Variants in HERC1 observed in about 807,000 individuals in gnomAD.
HERC1 encodes HECT and RLD domain containing E3 ubiquitin protein ligase family member 1.
In HERC1, 160 loss-of-function variants were observed where a neutral mutation model predicts 554.3. The ratio of observed to expected loss-of-function variants is 0.29; its 90% CI spans 0.25 to 0.33. HERC1 has a LOEUF of 0.33. Ranked by LOEUF, HERC1 falls within the 10% of genes least tolerant of loss-of-function variation. HERC1 has a pLI of 1.00. For missense variants in HERC1, 4,919 were observed against 5,918.5 expected (o/e 0.83, Z 5.54); for synonymous variants, 2,175 against 2,131.7 (o/e 1.02, Z -0.56).
At chr15:63,699,416 A>C (rs908699611) in intron 25 of HERC1, among the ~76,000 whole-genome samples, 1 of 152,240 alleles carries the variant, frequency 6.6e-6, no homozygotes, top group Non-Finnish European at 1.5e-5. Flanking sequence ...CATCTAATTT[A>C]ACATTATCAT....
intron 2 of HERC1, among the ~76,000 whole-genome samples, chr15:63,774,204 T>C (rs2076043642): frequency 6.6e-6 from 1 of 152,186 alleles, no homozygotes; most frequent in African/African-American, 2.4e-5. Flanking sequence ...TTTCACTACC[T>C]GAAATTATAT....
At chr15:63,809,945 G>A (rs535343781) in intron 1 of HERC1, among the ~76,000 whole-genome samples, 47 of 152,224 alleles carry the variant, frequency 3.1e-4, no homozygotes, top group African/African-American at 1.1e-3. Context: ...CCAAAGTGCT[G>A]TGATTACAGG....
chr15:63,612,338 A>G lies in HERC1; in HGVS notation c.14313T>C (p.Leu4771=). 6.2e-7 allele frequency: 1 copy of G among 1,614,016 alleles called. No homozygotes were observed. The highest frequency in any genetic ancestry group is 2.2e-5 in the East Asian group (1 of 44,890). Residue 4771 remains leucine (L), a synonymous_variant, in exon 77 of 78, where the codon CTT becomes CTC. Coordinates refer to ENST00000443617, the MANE Select transcript of HERC1 (RefSeq NM_003922.4). The surrounding 1 kb of genome is among the most constrained non-coding windows in gnomAD (Gnocchi z 5.0). ...ATCTTCCTGACACAAACCTCATGAA[A>G]AGCACCCGCTCCTCATTGGAGAACT... The part of the protein sequence containing the change: ...LEEFSNEERV[L]FMRFVSGRSR...
chr15:63,813,193 T>G (rs933129633), intron 1 of HERC1, among the ~76,000 whole-genome samples: 1 of 152,150 alleles, frequency 6.6e-6, no homozygotes, highest in African/African-American at 2.4e-5. Flanking sequence ...TCAGGAAGAT[T>G]TGCTAAAGAA....
Position 63,656,376 on chromosome 15 carries a change from C to T in HERC1, c.9600-18G>A, listed in dbSNP as rs957225784. Reference sequence around the variant, plus strand: ...TGGAACCACTGCCAGTAAAGAAAAACATCTCAGATGGATAAAGAAAATGGA... The same window carrying T: ...TGGAACCACTGCCAGTAAAGAAAAATATCTCAGATGGATAAAGAAAATGGA... On this transcript the variant is annotated intron_variant, in intron 48 of 77. Coordinates refer to ENST00000443617, the MANE Select transcript of HERC1 (RefSeq NM_003922.4). The T allele has an allele frequency of 6.3e-7, 1 of 1,598,692 alleles. No individual in the cohort carries two copies. The highest frequency in any genetic ancestry group is 8.5e-7 in the Non-Finnish European group (1 of 1,171,034).
chr15:63,727,994 T>C lies in HERC1; in HGVS notation c.3155-156A>G, dbSNP rs139650646. Among the ~76,000 whole-genome samples the C allele has an allele frequency of 2.1e-3, 319 of 152,382 alleles. 2 individuals are homozygous for C. In the East Asian group the frequency reaches 0.038, roughly 18 times the overall value. On this transcript the variant is annotated intron_variant, in intron 16 of 77. Transcript: ENST00000443617. The surrounding 1 kb of genome is among the most constrained non-coding windows in gnomAD (Gnocchi z 4.3). ...TGGTAGCTGATGTAGTATCAGTGTT[T>C]ATTCACTTTCAGAAAGTACCACCAA... is the stretch of plus-strand genomic sequence containing the variant.
rs764699454 is a variant in HERC1 at position 63,718,931 on chromosome 15, G to C, written c.3743-34C>G. ...AAAAATGATGCATTGACATTTAAAA[G>C]GGCTCAGAAAACAGTTCAGAGGTAA... is the stretch of plus-strand genomic sequence containing the variant. On this transcript the variant is annotated intron_variant, in intron 19 of 77. Coordinates refer to ENST00000443617, the MANE Select transcript of HERC1 (RefSeq NM_003922.4). The surrounding 1 kb of genome is among the most constrained non-coding windows in gnomAD (Gnocchi z 4.2). 6.8e-7 allele frequency: 1 copy of C among 1,467,112 alleles called. No individual in the cohort carries two copies. The highest frequency in any genetic ancestry group is 2.3e-5 in the East Asian group (1 of 43,564). The allele number at this position is 1,467,112 out of a possible 1,614,324, so 90.9% of individuals were successfully genotyped here.
intron 1 of HERC1, chr15:63,780,475 A>G (rs142571550): frequency 1.3e-5 from 2 of 152,314 alleles, no homozygotes; most frequent in Non-Finnish European, 2.9e-5. Flanking sequence ...TAATCCCAGT[A>G]CTTTGGGAGG....
In HERC1 at chr15:63,633,878, T is replaced by A; in HGVS notation, c.12663A>T (p.Leu4221Phe). 6 of 1,613,530 alleles carry A rather than the reference T, an allele frequency of 3.7e-6. No homozygotes were observed. The highest frequency in any genetic ancestry group is 5.1e-6 in the Non-Finnish European group (6 of 1,179,662). Residue 4221 changes from leucine (L) to phenylalanine (F), a missense_variant, in exon 67 of 78, where the codon TTA (leucine) becomes TTT (phenylalanine). Around this residue, in one of 11 missense-constraint regions of HERC1, gnomAD observed 410 missense variants for 467.0 expected, o/e 0.88. Coordinates refer to ENST00000443617, the MANE Select transcript of HERC1 (RefSeq NM_003922.4). Reference protein sequence around the residue: ...FGDGDYGKLGLGNSTAKSSPQ... With the variant: ...FGDGDYGKLGFGNSTAKSSPQ... ...GTGAAGATTTTGCAGTGGAATTTCC[T>A]AAGCCTAGTTTTCCATAGTCTCCAT... is the stretch of plus-strand genomic sequence containing the variant.
At chr15:63,786,920 A>ATT (rs987704951) in intron 1 of HERC1, among the ~76,000 whole-genome samples, 2 of 133,566 alleles carry the variant, frequency 1.5e-5, no homozygotes, top group African/African-American at 6.0e-5. Flanking sequence ...ATAAATTATT[A>ATT]TTTTTTTTTT....
At chr15:63,701,422 T>C (rs946260363) in intron 25 of HERC1, among the ~76,000 whole-genome samples, 1 of 152,194 alleles carries the variant, frequency 6.6e-6, no homozygotes, top group Non-Finnish European at 1.5e-5. Flanking sequence ...TTAAATCTTC[T>C]GCAATTTAAA....
Position 63,756,529 on chromosome 15 carries a change from T to C in HERC1, c.1441A>G (p.Ser481Gly). Residue 481 changes from serine (S) to glycine (G), a missense_variant, in exon 5 of 78, where the codon AGT (serine) becomes GGT (glycine). Ser to Gly is a moderately conservative substitution (Grantham distance 56, BLOSUM62 0). Around this residue, in one of 11 missense-constraint regions of HERC1, gnomAD observed 744 missense variants for 1,090.0 expected, o/e 0.68. Transcript: ENST00000443617. The surrounding 1 kb of genome is among the most constrained non-coding windows in gnomAD (Gnocchi z 5.0). The part of the protein sequence containing the change: ...LAFTTEGEVF[S>G]WGDGDYGKLG... ...TTCCCATAATCACCATCTCCCCAAC[T>C]GAAGACTTCTCCTTCTGTCGTAAAG... 1.9e-6 allele frequency: 3 copies of C among 1,613,810 alleles called. No homozygotes were observed. Among genetic ancestry groups the C allele is most frequent in the East Asian group, 2.2e-5 (1 of 44,884 alleles).
intron 61 of HERC1, among the ~76,000 whole-genome samples, chr15:63,639,373 C>T (rs1181516956): frequency 2.0e-5 from 3 of 152,144 alleles, no homozygotes; most frequent in Admixed American, 1.3e-4. Flanking sequence ...AGGTTTGTAG[C>T]CTAGGAGTAA....
At position 63,828,760 on chromosome 15, in the gene HERC1, C is replaced by A. The variant is rs190163285; in HGVS notation, c.-27+5067G>T. Among the ~76,000 whole-genome samples the A allele has an allele frequency of 1.3e-3, 201 of 152,086 alleles. 1 individual carries two copies. Among genetic ancestry groups the A allele is most frequent in the South Asian group, 3.7e-3 (18 of 4,804 alleles). The stretch of plus-strand genomic sequence containing the variant: ...GGGTTGGAGGGAACCCAAAATGGAA[C>A]AGTAACAATAACAAATGAACTTAAT... On this transcript the variant is annotated intron_variant, in intron 1 of 77. Coordinates refer to ENST00000443617, the MANE Select transcript of HERC1 (RefSeq NM_003922.4).
chr15:63,612,472 C>G lies in HERC1; in HGVS notation c.14179G>C (p.Val4727Leu). 6.2e-7 allele frequency: 1 copy of G among 1,614,060 alleles called. No homozygotes were observed. The highest frequency in any genetic ancestry group is 8.5e-7 in the Non-Finnish European group (1 of 1,179,906). ...ACAGAGATCTCGGGCATCCCACACA[C>G]CATCTGCTCCAGTTGTTTTGCTGTG... ...LLTAKQLEQM[V>L]CGMPEISVEV... The change falls in exon 77 of 78, where the codon GTG (valine) becomes CTG (leucine). Residue 4727 changes from valine to leucine, a missense_variant. This residue lies in a region of HERC1 where 284 missense variants were observed against 294.1 expected (regional missense o/e 0.97). Coordinates refer to ENST00000443617, the MANE Select transcript of HERC1 (RefSeq NM_003922.4). The surrounding 1 kb of genome is among the most constrained non-coding windows in gnomAD (Gnocchi z 5.0).
intron 1 of HERC1, among the ~76,000 whole-genome samples, chr15:63,789,622 A>G (rs1295627057): frequency 6.6e-6 from 1 of 150,742 alleles, no homozygotes; most frequent in East Asian, 2.0e-4. Context: ...ACATGGTGAA[A>G]CCCCATCTCG....
intron 13 of HERC1, among the ~76,000 whole-genome samples, chr15:63,733,585 G>A (rs1596098750): frequency 6.6e-6 from 1 of 152,206 alleles, no homozygotes; most frequent in African/African-American, 2.4e-5. Context: ...GGGCGCAGTG[G>A]CTCACACCTG....
chr15:63,833,793 G>GCACACACACACACACAC (rs1567176634), intron 1 of HERC1, 34 bp downstream of exon 1: 1 of 146,238 alleles, frequency 6.8e-6, no homozygotes, highest in African/African-American at 2.6e-5. Context: ...ACACACACAG[G>GCACACACACACACACAC]ACCAGGAGGA....
intron 43 of HERC1, 102 bp from the exon 44 acceptor site, chr15:63,663,306 A>C: frequency 1.1e-6 from 1 of 931,486 alleles, no homozygotes; most frequent in Non-Finnish European, 1.7e-6. Flanking sequence ...AACCTATCTC[A>C]GTTGTCTTAT....
Sources: allele counts gnomAD v4.1 joint callset (sites outside exome capture counted in the v4.1 genomes callset), GRCh38; gene constraint gnomAD v4.1.1; regional missense constraint gnomAD v4.1.1; non-coding constraint Gnocchi (gnomAD v3.1); transcripts MANE v1.5; gene names NCBI Gene and HGNC (gene_info 2026-07-23, HGNC 2026-07-21).